Variants in NLGN4X observed in about 807,000 individuals in gnomAD.
NLGN4X encodes the protein neuroligin 4 X-linked.
In NLGN4X, 3 loss-of-function variants were observed where a neutral mutation model predicts 40.3. That is an observed-to-expected ratio of 0.07 (90% CI 0.03 to 0.19). The LOEUF is 0.19. NLGN4X is among the 10% of genes least tolerant of loss of function. The pLI, the probability that NLGN4X is intolerant of heterozygous loss-of-function variation, is 1.00. For missense variants in NLGN4X, 382 were observed against 708.3 expected (o/e 0.54, Z 5.23); for synonymous variants, 270 against 306.8 (o/e 0.88, Z 1.25).
intron 1 of NLGN4X, among the ~76,000 whole-genome samples, chrX:6,155,636 G>C (rs1194926506): frequency 2.7e-5 from 3 of 111,945 alleles, no homozygotes; most frequent in Admixed American, 9.5e-5. Flanking sequence ...CTGCCACTTT[G>C]TCTATTTTTG....
chrX:6,066,429 C>T (rs756592780), intron 2 of NLGN4X, among the ~76,000 whole-genome samples: 6 of 112,033 alleles, frequency 5.4e-5, no homozygotes, highest in African/African-American at 1.9e-4. Flanking sequence ...TCTTTTTCAC[C>T]TGGCTCCACC....
At chrX:6,162,351 G>T (rs1028077275) in intron 1 of NLGN4X, among the ~76,000 whole-genome samples, 1 of 111,961 alleles carries the variant, frequency 8.9e-6, no homozygotes, top group African/African-American at 3.2e-5. Flanking sequence ...GTCTCTGAGG[G>T]TGTTGCCAAA....
chrX:6,147,197 C>T (rs1317840155), intron 2 of NLGN4X, among the ~76,000 whole-genome samples: 1 of 111,697 alleles, frequency 9.0e-6, no homozygotes, highest in African/African-American at 3.2e-5. Context: ...AGAATAAGAC[C>T]TTAAGATGTA....
intron 3 of NLGN4X, among the ~76,000 whole-genome samples, chrX:5,982,721 A>G (rs932052666): frequency 1.8e-5 from 2 of 111,872 alleles, no homozygotes; most frequent in Non-Finnish European, 3.8e-5. Flanking sequence ...GGCCAGGCGT[A>G]GTGGCACACA....
intron 3 of NLGN4X, among the ~76,000 whole-genome samples, chrX:5,978,954 G>C (rs2035291656): frequency 1.8e-5 from 2 of 110,965 alleles, no homozygotes; most frequent in African/African-American, 6.6e-5. Context: ...CTGGGTGATA[G>C]AGTGAGACTC....
chrX:6,064,698 G>A (rs918043824), intron 2 of NLGN4X, among the ~76,000 whole-genome samples: 1 of 111,264 alleles, frequency 9.0e-6, no homozygotes, highest in African/African-American at 3.3e-5. Flanking sequence ...TCAGGAGATC[G>A]AGGCAAAGTA....
chrX:6,005,899 T>C (rs1227905333), intron 3 of NLGN4X, among the ~76,000 whole-genome samples: 1 of 111,418 alleles, frequency 9.0e-6, no homozygotes, highest in Non-Finnish European at 1.9e-5. Flanking sequence ...AATCATTTAC[T>C]ATCCCCCTAA....
chrX:5,914,160 G>C (rs1046859819), intron 3 of NLGN4X, among the ~76,000 whole-genome samples: 11 of 111,979 alleles, frequency 9.8e-5, no homozygotes, highest in African/African-American at 2.9e-4. Context: ...CTAAAAATAG[G>C]AATCACAGTT....
At chrX:6,006,759 A>C (rs764366976) in intron 3 of NLGN4X, among the ~76,000 whole-genome samples, 1 of 111,807 alleles carries the variant, frequency 8.9e-6, no homozygotes, top group South Asian at 3.7e-4. Context: ...TATAATAAAA[A>C]TGAAAATGAA....
At chrX:6,077,268 T>C (rs911305952) in intron 2 of NLGN4X, among the ~76,000 whole-genome samples, 1 of 99,382 alleles carries the variant, frequency 1.0e-5, no homozygotes, top group African/African-American at 3.6e-5. Context: ...CAAAATTTTA[T>C]TTTGTGTGTG....
chrX:6,211,584 G>A (rs376230210), intron 1 of NLGN4X, among the ~76,000 whole-genome samples: 9 of 111,556 alleles, frequency 8.1e-5, no homozygotes, highest in Middle Eastern at 4.8e-3. Flanking sequence ...AAAGATATGT[G>A]TACAGATACA....
chrX:6,083,249 C>T (rs944635155), intron 2 of NLGN4X, among the ~76,000 whole-genome samples: 2 of 110,177 alleles, frequency 1.8e-5, no homozygotes, highest in African/African-American at 3.3e-5. Context: ...TGAGCCACCG[C>T]GCCCGGCCCA....
At chrX:6,056,201 G>A (rs12834904) in intron 2 of NLGN4X, among the ~76,000 whole-genome samples, 38,970 of 110,726 alleles carry the variant, frequency 0.35, 5,109 homozygotes, top group Non-Finnish European at 0.39. Context: ...ACAGGCCAGG[G>A]GTGGTGGCTC....
chrX:5,952,159 T>C (rs2034332967), intron 3 of NLGN4X, among the ~76,000 whole-genome samples: 1 of 111,210 alleles, frequency 9.0e-6, no homozygotes, highest in South Asian at 3.8e-4. Context: ...TATATACTGA[T>C]TGGAGTGAAT....
chrX:5,977,045 C>G (rs959258191), intron 3 of NLGN4X, among the ~76,000 whole-genome samples: 42 of 112,408 alleles, frequency 3.7e-4, no homozygotes, highest in Non-Finnish European at 6.9e-4. Flanking sequence ...GTCTCACATA[C>G]TGGAGCATTA....
chrX:6,103,710 G>A (rs1227740940), intron 2 of NLGN4X, among the ~76,000 whole-genome samples: 3 of 111,620 alleles, frequency 2.7e-5, no homozygotes, highest in African/African-American at 6.5e-5. Context: ...TGTTTTCCTC[G>A]CTACAGTTCA....
chrX:6,089,896 G>A (rs1390395759), intron 2 of NLGN4X, among the ~76,000 whole-genome samples: 2 of 111,764 alleles, frequency 1.8e-5, no homozygotes, highest in Non-Finnish European at 3.8e-5. Context: ...CAGCAACTAT[G>A]TGAAATGAAA....
intron 1 of NLGN4X, among the ~76,000 whole-genome samples, chrX:6,174,495 A>G (rs753311322): frequency 8.9e-5 from 10 of 112,209 alleles, no homozygotes; most frequent in South Asian, 3.7e-4. Flanking sequence ...TGTTCACTGT[A>G]GTACTATTCA....
chrX:6,210,016 AT>A (rs763247997), intron 1 of NLGN4X, among the ~76,000 whole-genome samples: 6 of 110,276 alleles, frequency 5.4e-5, no homozygotes, highest in African/African-American at 2.0e-4. Context: ...ACATCTGGCT[AT>A]TTTTTTTCTT....
Sources: gnomAD v4.1 joint callset for allele counts (sites outside exome capture counted in the v4.1 genomes callset) on GRCh38, gnomAD v4.1.1 for gene constraint, MANE v1.5 for transcripts, NCBI Gene and HGNC (gene_info 2026-07-23, HGNC 2026-07-21) for gene names.